ANO2: variants seen among roughly 807,000 people sequenced by gnomAD.
ANO2 encodes the protein anoctamin-2.
ANO2 carries 101 observed loss-of-function variants against 124.2 expected under a neutral mutation model. The ratio of observed to expected loss-of-function variants is 0.81; its 90% CI spans 0.69 to 0.96. ANO2 has a LOEUF of 0.96. Ranked by LOEUF, ANO2 falls within the 40% of genes least tolerant of loss-of-function variation. ANO2 has a pLI of 0.00. For missense variants in ANO2, 1,293 were observed against 1,274.5 expected, an observed-to-expected ratio of 1.01 and a Z score of -0.22; for synonymous variants, 486 against 482.5, an observed-to-expected ratio of 1.01 and a Z score of -0.09.
intron 16 of ANO2, among the ~76,000 whole-genome samples, chr12:5,618,608 T>G (rs1944958589): frequency 6.6e-6 from 1 of 152,166 alleles, no homozygotes; most frequent in South Asian, 2.1e-4. Flanking sequence ...AACACCACTT[T>G]TTGCAATCAG....
intron 23 of ANO2, among the ~76,000 whole-genome samples, chr12:5,573,002 T>C (rs1942211031): frequency 1.3e-5 from 2 of 152,144 alleles, no homozygotes; most frequent in Non-Finnish European, 2.9e-5. Flanking sequence ...GATCCACACA[T>C]ATTCACAATA....
intron 17 of ANO2, among the ~76,000 whole-genome samples, chr12:5,613,370 C>T (rs562668512): frequency 2.0e-5 from 3 of 152,198 alleles, no homozygotes; most frequent in South Asian, 2.1e-4. Flanking sequence ...CCCAGGAAAG[C>T]GAGGGTGAGA....
At chr12:5,764,769 T>A (rs1951834674) in intron 10 of ANO2, among the ~76,000 whole-genome samples, 1 of 147,616 alleles carries the variant, frequency 6.8e-6, no homozygotes, top group South Asian at 2.3e-4. Flanking sequence ...ATCTGAGGCA[T>A]TCGATCGTTC....
intron 14 of ANO2, among the ~76,000 whole-genome samples, chr12:5,689,211 G>A (rs1305725030): frequency 6.6e-6 from 1 of 152,154 alleles, no homozygotes; most frequent in African/African-American, 2.4e-5. Context: ...CCAAAAGCAA[G>A]GGAACTTGAG....
At chr12:5,866,184 T>A (rs1312414176) in intron 3 of ANO2, among the ~76,000 whole-genome samples, 1 of 152,214 alleles carries the variant, frequency 6.6e-6, no homozygotes, top group Non-Finnish European at 1.5e-5. Context: ...GGCCAGGATT[T>A]CTAGGGAAAG....
chr12:5,838,946 G>A lies in ANO2; in HGVS notation c.634-6343C>T, dbSNP rs148852266. Among the ~76,000 whole-genome samples the A allele has an allele frequency of 6.0e-4, 92 of 152,316 alleles. 1 individual carries two copies. The highest frequency in any genetic ancestry group is 2.1e-3 in the African/African-American group (86 of 41,566). On this transcript the variant is annotated intron_variant, in intron 4 of 24. Coordinates refer to ENST00000682330, the MANE Select transcript of ANO2 (RefSeq NM_001364791.2). ...CCCTTCTCCCAGCTTCTTCATCTCC[G>A]AAGGGAAAACAAGGGAAACTCTACT...
At chr12:5,910,076 T>C (rs1940952558) in intron 3 of ANO2, among the ~76,000 whole-genome samples, 1 of 152,250 alleles carries the variant, frequency 6.6e-6, no homozygotes, top group South Asian at 2.1e-4. Flanking sequence ...TAATGAGACC[T>C]AGAGACACAT....
intron 3 of ANO2, among the ~76,000 whole-genome samples, chr12:5,867,586 G>C (rs1036603562): frequency 5.9e-5 from 9 of 152,092 alleles, no homozygotes; most frequent in African/African-American, 2.2e-4. Flanking sequence ...ACCTGACATA[G>C]AAGGCAGGAT....
chr12:5,647,013 A>G (rs1251150133), intron 15 of ANO2, among the ~76,000 whole-genome samples: 1 of 152,190 alleles, frequency 6.6e-6, no homozygotes, highest in Non-Finnish European at 1.5e-5. Flanking sequence ...CTGAGCTGTG[A>G]GTACACACAC....
At chr12:5,935,029 A>C (rs1942588692) in intron 1 of ANO2, among the ~76,000 whole-genome samples, 1 of 152,214 alleles carries the variant, frequency 6.6e-6, no homozygotes, top group South Asian at 2.1e-4. Flanking sequence ...TGCAGCAGAC[A>C]TGAGGGATAG....
rs148065686 is a variant in ANO2, at chr12:5,567,828, G to T, written c.2622-2165C>A. ...GAGGATCTGCAGAAAGACTAACACA[G>T]AGATCTGTTCAGAAAACTCTACTTG... On this transcript the variant is annotated intron_variant, in intron 23 of 24. Transcript: ENST00000682330. 3.0e-3 allele frequency among the ~76,000 whole-genome samples: 462 copies of T among 152,326 alleles called. 2 individuals carry two copies. Among genetic ancestry groups the T allele is most frequent in the African/African-American group, 0.011 (446 of 41,570 alleles).
At chr12:5,634,507 C>T (rs1945900541) in intron 16 of ANO2, among the ~76,000 whole-genome samples, 1 of 152,136 alleles carries the variant, frequency 6.6e-6, no homozygotes, top group Non-Finnish European at 1.5e-5. Flanking sequence ...GTCAGCCTCC[C>T]CCACCCAATA....
intron 15 of ANO2, among the ~76,000 whole-genome samples, chr12:5,638,643 G>A (rs1408616232): frequency 6.6e-6 from 1 of 151,756 alleles, no homozygotes; most frequent in Non-Finnish European, 1.5e-5. Flanking sequence ...CTTCCAACTA[G>A]GTCAAAAGGA....
At chr12:5,670,101 G>A (rs1947919051) in intron 14 of ANO2, among the ~76,000 whole-genome samples, 1 of 152,082 alleles carries the variant, frequency 6.6e-6, no homozygotes, top group South Asian at 2.1e-4. Flanking sequence ...CACACGTGTG[G>A]GATTTGGAAA....
chr12:5,858,162 T>G (rs1368726362), intron 3 of ANO2, among the ~76,000 whole-genome samples: 1 of 152,152 alleles, frequency 6.6e-6, no homozygotes. Context: ...TTCCAAAAAG[T>G]TAGAAGAGAG....
In ANO2 at chr12:5,725,097, TCACACA is replaced by T. The variant is rs35973206; in HGVS notation, c.1545+7417_1545+7422del. 4.1e-3 allele frequency among the ~76,000 whole-genome samples: 590 copies of T among 143,466 alleles called. 1 individual carries two copies. The highest frequency in any genetic ancestry group is 0.014 in the African/African-American group (525 of 37,914). 94.1% of individuals were successfully genotyped at this position (143,466 alleles called of 152,430 possible). A position where few individuals can be genotyped will look rare whatever the true frequency, so the allele number is the denominator to read the frequency against. ...CATGGTCCCTCTCCTTGTCTCCCTC[TCACACA>T]CACACACACACACACACACACGCAA... On this transcript the variant is annotated intron_variant, in intron 14 of 24. Transcript: ENST00000682330.
rs187141983 is a variant in ANO2, at chr12:5,872,122, G to A, written c.535-17981C>T. Among the ~76,000 whole-genome samples the A allele has an allele frequency of 3.9e-4, 60 of 152,250 alleles. 1 individual carries two copies. In the South Asian group the frequency reaches 9.5e-3, roughly 24 times the overall value. On this transcript the variant is annotated intron_variant, in intron 3 of 24. Coordinates refer to ENST00000682330, the MANE Select transcript of ANO2 (RefSeq NM_001364791.2). ...CAGGTAAACAAGACAGGAGCAAAATGTATTTTCCATTGTCCTTTTTCCCTC... is the reference window on the plus strand; with the variant it reads ...CAGGTAAACAAGACAGGAGCAAAATATATTTTCCATTGTCCTTTTTCCCTC...
intron 20 of ANO2, among the ~76,000 whole-genome samples, chr12:5,584,392 C>T (rs935794545): frequency 6.6e-6 from 1 of 152,024 alleles, no homozygotes; most frequent in Non-Finnish European, 1.5e-5. Context: ...ACTTTGTGGC[C>T]CTTGGAGAAG....
chr12:5,683,071 T>C (rs1490441897), intron 14 of ANO2, among the ~76,000 whole-genome samples: 2 of 152,144 alleles, frequency 1.3e-5, no homozygotes, highest in Non-Finnish European at 2.9e-5. Context: ...CTTGACCCAG[T>C]AGAGACTGTA....
Sources: gnomAD v4.1 joint callset for allele counts (sites outside exome capture counted in the v4.1 genomes callset) on GRCh38, gnomAD v4.1.1 for gene constraint, MANE v1.5 for transcripts, NCBI Gene and HGNC (gene_info 2026-07-23, HGNC 2026-07-21) for gene names.